SPINK5: variants seen among roughly 807,000 people sequenced by gnomAD.
SPINK5 encodes the protein serine protease inhibitor Kazal-type 5.
A neutral mutation model predicts 151.8 loss-of-function variants in SPINK5; 125 were observed. That is an observed-to-expected ratio of 0.82 (90% CI 0.71 to 0.96). SPINK5 has a LOEUF of 0.96. Ranked by LOEUF, SPINK5 falls within the 40% of genes least tolerant of loss-of-function variation. The pLI is 0.00. For synonymous variants in SPINK5, 374 were observed against 395.3 expected, an observed-to-expected ratio of 0.95 and a Z score of 0.64; for missense variants, 1,194 against 1,291.9, an observed-to-expected ratio of 0.92 and a Z score of 1.16.
At chr5:148,122,866 A>ATTTTTTTTTTTTTT (rs111936279) in intron 26 of SPINK5, among the ~76,000 whole-genome samples, 1 of 127,846 alleles carries the variant, frequency 7.8e-6, no homozygotes, top group African/African-American at 3.0e-5. Context: ...TCGCACAATA[A>ATTTTTTTTTTTTTT]TTTTTTTTTT....
chr5:148,079,096 G>A (rs934649635), intron 4 of SPINK5, among the ~76,000 whole-genome samples: 1 of 150,940 alleles, frequency 6.6e-6, no homozygotes, highest in Non-Finnish European at 1.5e-5. Context: ...GGAGACATCA[G>A]TATGTGCCCT....
chr5:148,132,026 A>AGAT (rs1331061507), intron 31 of SPINK5, among the ~76,000 whole-genome samples: 3 of 152,240 alleles, frequency 2.0e-5, no homozygotes, highest in African/African-American at 7.2e-5. Context: ...CTGACTTCAC[A>AGAT]GATGATTGAA....
chr5:148,089,686 T>C, intron 7 of SPINK5, 65 bp downstream of exon 7: 1 of 1,607,700 alleles, frequency 6.2e-7, no homozygotes, highest in Non-Finnish European at 8.5e-7. Flanking sequence ...CGAGAATCAC[T>C]CAGCAGAGAG....
At chr5:148,116,315 T>C in intron 21 of SPINK5, 55 bp from the exon 22 acceptor site, 3 of 1,570,884 alleles carry the variant, frequency 1.9e-6, no homozygotes, top group Non-Finnish European at 2.6e-6. Flanking sequence ...CTCAAAGAAA[T>C]GCACACCACT....
At chr5:148,086,567 A>G in intron 5 of SPINK5, 35 bp downstream of exon 5, 1 of 1,606,792 alleles carries the variant, frequency 6.2e-7, no homozygotes, top group Non-Finnish European at 8.5e-7. Flanking sequence ...TCTCCCTAAA[A>G]CGTGTTCTCT....
intron 26 of SPINK5, among the ~76,000 whole-genome samples, chr5:148,122,356 T>A (rs1191640528): frequency 1.3e-5 from 2 of 152,228 alleles, no homozygotes; most frequent in African/African-American, 4.8e-5. Context: ...GAGAATTTTT[T>A]AAAATGCTGC....
chr5:148,131,211 C>G, intron 30 of SPINK5, 48 bp from the exon 31 acceptor site: 1 of 1,611,762 alleles, frequency 6.2e-7, no homozygotes, highest in Non-Finnish European at 8.5e-7. Flanking sequence ...GCCCACCCCT[C>G]TTCTTGAATG....
Position 148,084,376 on chromosome 5 carries a change from A to T in SPINK5, c.283-2029A>T, listed in dbSNP as rs574245291. Among the ~76,000 whole-genome samples the T allele has an allele frequency of 3.3e-4, 50 of 151,906 alleles. No individual in the cohort carries two copies. The South Asian group carries it at 9.3e-3, about 28-fold the overall frequency. On this transcript the variant is annotated intron_variant, in intron 4 of 32. Coordinates refer to ENST00000256084, the MANE Select transcript of SPINK5 (RefSeq NM_006846.4). ...TGCCACTTCACCAGGTCAGGAATCT[A>T]TCTGTAAGGTCTCAGGCATTGTCAA...
intron 9 of SPINK5, 74 bp from the exon 10 acceptor site, chr5:148,095,744 C>T (rs1753437578): frequency 2.4e-6 from 3 of 1,275,852 alleles, no homozygotes; most frequent in Non-Finnish European, 2.3e-6. Context: ...AGATATTTTT[C>T]CATCTATACC....
intron 4 of SPINK5, among the ~76,000 whole-genome samples, chr5:148,078,166 T>G (rs1312691498): frequency 6.6e-6 from 1 of 151,084 alleles, no homozygotes; most frequent in Non-Finnish European, 1.5e-5. Context: ...TGTGATAAAA[T>G]AGACATTAAG....
At chr5:148,104,628 G>A (rs900135159) in intron 15 of SPINK5, among the ~76,000 whole-genome samples, 1 of 152,148 alleles carries the variant, frequency 6.6e-6, no homozygotes, top group African/African-American at 2.4e-5. Context: ...AGGCACGGTG[G>A]CTCACACCTG....
chr5:148,129,820 C>T (rs1260039517), intron 30 of SPINK5, among the ~76,000 whole-genome samples: 1 of 152,100 alleles, frequency 6.6e-6, no homozygotes, highest in Non-Finnish European at 1.5e-5. Flanking sequence ...GTCTTTGTAT[C>T]TGTTTTCAGT....
At chr5:148,121,143 C>CAGA (rs1554106525) in intron 26 of SPINK5, among the ~76,000 whole-genome samples, 21,417 of 68,564 alleles carry the variant, frequency 0.31, 3,123 homozygotes, top group Middle Eastern at 0.4. Context: ...GACTCTGTCT[C>CAGA]AAAAAAAAAA....
intron 4 of SPINK5, among the ~76,000 whole-genome samples, chr5:148,074,980 A>C (rs1331692444): frequency 6.6e-6 from 1 of 151,666 alleles, no homozygotes; most frequent in Non-Finnish European, 1.5e-5. Context: ...ATCTTATGTC[A>C]GACAACTTTT....
rs1280443175 is a variant in SPINK5 at position 148,107,166 on chromosome 5, TGA to T, written c.1607+4_1607+5del. 1 of 1,611,476 alleles carries T rather than the reference TGA, an allele frequency of 6.2e-7. No homozygotes were observed. On this transcript the variant is annotated splice_donor_region_variant and intron_variant, in intron 17 of 32. Coordinates refer to ENST00000256084, the MANE Select transcript of SPINK5 (RefSeq NM_006846.4). ...GTGTGCCATGTGTGCCAGTGTGTTG[TGA>T]GTGTCCACCCCATCTCTCCCACTGA...
At chr5:148,090,926 G>A in intron 7 of SPINK5, 2 of 532,160 alleles carry the variant, frequency 3.8e-6, no homozygotes, top group East Asian at 6.2e-5. Flanking sequence ...CTTACTATAG[G>A]CAAGAAAGCT....
chr5:148,116,345 C>T, intron 21 of SPINK5, 25 bp from the exon 22 acceptor site: 2 of 1,611,448 alleles, frequency 1.2e-6, no homozygotes, highest in Non-Finnish European at 1.7e-6. Context: ...CTATTGTTCC[C>T]TACCTCCCAC....
intron 4 of SPINK5, among the ~76,000 whole-genome samples, chr5:148,075,882 C>T (rs771105546): frequency 7.3e-5 from 11 of 151,614 alleles, no homozygotes; most frequent in Non-Finnish European, 1.5e-4. Context: ...TTTGGAGTAA[C>T]GAGCAAAAGT....
At chr5:148,070,571 G>T in intron 3 of SPINK5, 121 bp downstream of exon 3, 1 of 1,281,540 alleles carries the variant, frequency 7.8e-7, no homozygotes, top group Non-Finnish European at 1.1e-6. Context: ...AAATAAAAGT[G>T]CTGAGCAGAT....
Sources: gnomAD v4.1 joint callset for allele counts (sites outside exome capture counted in the v4.1 genomes callset) on GRCh38, gnomAD v4.1.1 for gene constraint, MANE v1.5 for transcripts, NCBI Gene and HGNC (gene_info 2026-07-23, HGNC 2026-07-21) for gene names.